Variants in RPA2 observed in about 807,000 individuals in gnomAD.
RPA2 encodes replication protein A2, also known as replication protein A 32 kDa subunit.
Under a neutral mutation model 33.4 loss-of-function variants are expected in RPA2, and 22 were observed. That is an observed-to-expected ratio of 0.66 (90% confidence interval 0.47 to 0.94). The LOEUF (loss-of-function observed/expected upper bound fraction) is 0.94. Ranked by LOEUF, RPA2 falls within the 40% of genes least tolerant of loss-of-function variation. The pLI is 0.00. For synonymous variants in RPA2, 109 were observed against 114.9 expected (o/e 0.95, Z 0.33); for missense variants, 279 against 329.9 (o/e 0.85, Z 1.19).
chr1:27,899,843 G>A (rs2089945127), intron 4 of RPA2, among the ~76,000 whole-genome samples: 1 of 151,980 alleles, frequency 6.6e-6, no homozygotes, highest in South Asian at 2.1e-4. Flanking sequence ...ACCACGCCCG[G>A]CTAATTTTTT....
chr1:27,892,462 G>A (rs2089836901), intron 8 of RPA2, among the ~76,000 whole-genome samples: 1 of 152,102 alleles, frequency 6.6e-6, no homozygotes, highest in South Asian at 2.1e-4. Context: ...TGGCTATTAG[G>A]GCTGTCTTGG....
chr1:27,892,978 T>C (rs2089843435), intron 8 of RPA2, among the ~76,000 whole-genome samples: 1 of 152,126 alleles, frequency 6.6e-6, no homozygotes, highest in African/African-American at 2.4e-5. Flanking sequence ...AGGCTGCTTG[T>C]CTAAGATGGA....
At chr1:27,913,722 G>A (rs2090130812) in intron 2 of RPA2, among the ~76,000 whole-genome samples, 1 of 152,140 alleles carries the variant, frequency 6.6e-6, no homozygotes, top group Non-Finnish European at 1.5e-5. Context: ...TCGGAGACCA[G>A]CCTGGGCAAC....
intron 4 of RPA2, among the ~76,000 whole-genome samples, chr1:27,901,471 T>C (rs945877288): frequency 3.9e-5 from 6 of 151,912 alleles, no homozygotes; most frequent in Non-Finnish European, 8.8e-5. Flanking sequence ...CAAGCGATTC[T>C]CCTGCCTCAG....
chr1:27,913,214 A>G (rs917715756), intron 2 of RPA2, among the ~76,000 whole-genome samples: 4 of 150,864 alleles, frequency 2.7e-5, no homozygotes, highest in Admixed American at 6.6e-5. Flanking sequence ...CAGCCTCCCA[A>G]AGTGCTGGGA....
At chr1:27,900,573 G>A (rs1324298698) in intron 4 of RPA2, among the ~76,000 whole-genome samples, 1 of 151,836 alleles carries the variant, frequency 6.6e-6, no homozygotes, top group Non-Finnish European at 1.5e-5. Flanking sequence ...CAGCAGATGT[G>A]GTGGAAATAG....
At chr1:27,903,822 T>C (rs1571615444) in intron 4 of RPA2, among the ~76,000 whole-genome samples, 1 of 148,572 alleles carries the variant, frequency 6.7e-6, no homozygotes, top group East Asian at 2.0e-4. Context: ...GAGCCCAGGT[T>C]TGAGGCCAGC....
chr1:27,914,743 T>C, upstream of RPA2: 1 of 1,467,010 alleles, frequency 6.8e-7, no homozygotes, highest in African/African-American at 1.4e-5. Context: ...CCCTCCGCAC[T>C]AGCGGAAGCA....
In RPA2 at chr1:27,892,035, G is replaced by C; in HGVS notation, c.*128C>G. The stretch of plus-strand genomic sequence containing the variant: ...AGCAGTAAGTTTCAAAAGGAAGTCA[G>C]AGGAGACATTTGATAGATGAAACCT... On this transcript the variant is annotated 3_prime_UTR_variant, in exon 9 of 9. Coordinates refer to ENST00000373912, the MANE Select transcript of RPA2 (RefSeq NM_002946.5). 1.5e-6 allele frequency: 1 copy of C among 654,422 alleles called. No individual in the cohort carries two copies. Among genetic ancestry groups the C allele is most frequent in the Non-Finnish European group, 2.7e-6 (1 of 374,142 alleles). 40.5% of individuals were successfully genotyped at this position (654,422 alleles called of 1,614,324 possible).
chr1:27,897,231 A>C, intron 5 of RPA2, 110 bp from the exon 6 acceptor site: 1 of 750,754 alleles, frequency 1.3e-6, no homozygotes, highest in Non-Finnish European at 2.2e-6. Context: ...CCAATATGAG[A>C]AAAATGTTAT....
upstream of RPA2, chr1:27,914,775 G>T (rs764653165): frequency 2.4e-5 from 28 of 1,178,792 alleles, no homozygotes; most frequent in East Asian, 1.3e-4. Flanking sequence ...GAGCGGTATC[G>T]CAAGAAATCA....
At position 27,906,923 on chromosome 1, in the gene RPA2, C is replaced by T. The variant is rs538756822; in HGVS notation, c.333+5G>A. Reference sequence around the variant, plus strand: ...CCCCATCATGATTCAAAAACAGCCACTTACATCTGTGTCAACCCACTGGCG... The same window carrying T: ...CCCCATCATGATTCAAAAACAGCCATTTACATCTGTGTCAACCCACTGGCG... On this transcript the variant is annotated splice_donor_5th_base_variant and intron_variant, in intron 4 of 8. Transcript: ENST00000373912. The T allele has an allele frequency of 1.2e-6, 2 of 1,602,580 alleles. No homozygotes were observed. The highest frequency in any genetic ancestry group is 1.3e-5 in the African/African-American group (1 of 74,628).
At chr1:27,899,518 A>G (rs1284383643) in intron 4 of RPA2, among the ~76,000 whole-genome samples, 5 of 150,798 alleles carry the variant, frequency 3.3e-5, no homozygotes, top group South Asian at 4.2e-4. Context: ...AAAAAGAAAA[A>G]AAAAAAAAAA....
intron 6 of RPA2, among the ~76,000 whole-genome samples, chr1:27,895,052 T>C (rs2089872578): frequency 6.6e-6 from 1 of 152,196 alleles, no homozygotes; most frequent in South Asian, 2.1e-4. Flanking sequence ...TATTCCTCCC[T>C]GGGCTTCTTG....
Position 27,892,123 on chromosome 1 carries a change from G to A in RPA2, c.*40C>T. The A allele has an allele frequency of 6.5e-7, 1 of 1,527,930 alleles. No individual in the cohort carries two copies. Among genetic ancestry groups the A allele is most frequent in the Non-Finnish European group, 9.1e-7 (1 of 1,103,450 alleles). 94.6% of individuals were successfully genotyped at this position (1,527,930 alleles called of 1,614,324 possible). ...TGGAGACAACAGATTGTGAAACTAG[G>A]TCCAGCTGTAAAATATCTCAGGTAC... On this transcript the variant is annotated 3_prime_UTR_variant, in exon 9 of 9. Transcript: ENST00000373912.
At chr1:27,908,156 T>C (rs1410124345) in intron 2 of RPA2, among the ~76,000 whole-genome samples, 1 of 152,028 alleles carries the variant, frequency 6.6e-6, no homozygotes, top group Non-Finnish European at 1.5e-5. Flanking sequence ...AGATGGGGTC[T>C]TGTTCTGTCA....
chr1:27,899,513 GAAAA>G (rs67126026), intron 4 of RPA2, among the ~76,000 whole-genome samples: 15 of 107,554 alleles, frequency 1.4e-4, no homozygotes, highest in Non-Finnish European at 2.2e-4. Flanking sequence ...AAAAAAAAAA[GAAAA>G]AAAAAAAAAA....
chr1:27,894,325 T>G lies in RPA2; in HGVS notation c.598A>C (p.Met200Leu), dbSNP rs143220390. ...GCCACAGTGAGGCCATTTGCTGGCA[T>G]GAAGCTATTCCCACCAAAGTTCCCT... The part of the protein sequence containing the change: ...EAGNFGGNSF[M>L]PANGLTVAQN... Residue 200 changes from methionine (M) to leucine (L), a missense_variant, in exon 7 of 9, where the codon ATG becomes CTG. Around this residue, in one of 2 missense-constraint regions of RPA2, gnomAD observed 274 missense variants for 310.3 expected, o/e 0.88. Transcript: ENST00000373912. 8 of 1,614,084 alleles carry G rather than the reference T, an allele frequency of 5.0e-6. No homozygotes were observed. The African/African-American group carries it at 1.1e-4, about 22-fold the overall frequency.
At chr1:27,906,631 G>C (rs1211096497) in intron 4 of RPA2, among the ~76,000 whole-genome samples, 2 of 152,172 alleles carry the variant, frequency 1.3e-5, no homozygotes, top group Admixed American at 6.6e-5. Context: ...GGACGTTGTA[G>C]TGAGCCGAGA....
Sources: allele counts gnomAD v4.1 joint callset (sites outside exome capture counted in the v4.1 genomes callset), GRCh38; gene constraint gnomAD v4.1.1; regional missense constraint gnomAD v4.1.1; transcripts MANE v1.5; gene names NCBI Gene and HGNC (gene_info 2026-07-23, HGNC 2026-07-21).